DOCK3: variants seen among roughly 807,000 people sequenced by gnomAD.
DOCK3 encodes the protein dedicator of cytokinesis protein 3.
A neutral mutation model predicts 265.6 loss-of-function variants in DOCK3; 60 were observed. The observed-to-expected ratio is 0.23, with a 90% CI of 0.18 to 0.28. The LOEUF (loss-of-function observed/expected upper bound fraction) is 0.28, where lower values mean the gene tolerates loss of function less well. Ranked by LOEUF, DOCK3 falls within the 10% of genes least tolerant of loss-of-function variation. DOCK3 has a pLI of 1.00. For missense variants in DOCK3, 1,981 were observed against 2,594.3 expected, an observed-to-expected ratio of 0.76 and a Z score of 5.14; for synonymous variants, 881 against 938.0, an observed-to-expected ratio of 0.94 and a Z score of 1.11.
chr3:50,901,194 G>A (rs1466438481), intron 4 of DOCK3, among the ~76,000 whole-genome samples: 1 of 152,172 alleles, frequency 6.6e-6, no homozygotes, highest in Non-Finnish European at 1.5e-5. Flanking sequence ...ATCCTGTGAG[G>A]CAGTCTGGCT....
chr3:50,731,366 C>T (rs1241648935), intron 1 of DOCK3, among the ~76,000 whole-genome samples: 1 of 152,054 alleles, frequency 6.6e-6, no homozygotes, highest in Non-Finnish European at 1.5e-5. Context: ...TGAGTGAGCC[C>T]TAATGTAAAC....
chr3:51,328,468 A>T (rs1560444751), intron 32 of DOCK3, among the ~76,000 whole-genome samples: 2 of 152,138 alleles, frequency 1.3e-5, no homozygotes, highest in Non-Finnish European at 2.9e-5. Context: ...GTTCCTGCTT[A>T]TGCCTCTTCT....
intron 1 of DOCK3, among the ~76,000 whole-genome samples, chr3:50,702,731 C>CT (rs765956940): frequency 3.3e-4 from 48 of 146,038 alleles, no homozygotes; most frequent in Admixed American, 6.2e-4. Flanking sequence ...TGTTCTAAGA[C>CT]TTTTTTTTTT....
chr3:50,762,717 T>G (rs1209816982), intron 1 of DOCK3, among the ~76,000 whole-genome samples: 4 of 148,058 alleles, frequency 2.7e-5, no homozygotes, highest in Non-Finnish European at 1.5e-5. Flanking sequence ...TATTCTGAGG[T>G]TTTTTTTTTA....
chr3:51,199,761 C>A (rs1377177188), intron 12 of DOCK3, among the ~76,000 whole-genome samples: 1 of 152,212 alleles, frequency 6.6e-6, no homozygotes, highest in Non-Finnish European at 1.5e-5. Context: ...GACCCCTGAG[C>A]AGCCTAACTG....
intron 2 of DOCK3, among the ~76,000 whole-genome samples, chr3:50,805,397 T>TGG (rs2043349525): frequency 6.6e-6 from 1 of 152,172 alleles, no homozygotes; most frequent in Non-Finnish European, 1.5e-5. Context: ...TCAGCCAACT[T>TGG]GGGGTATGGT....
Position 50,675,618 on chromosome 3 carries a change from C to A in DOCK3, c.37+318C>A, listed in dbSNP as rs1285749654. On this transcript the variant is annotated intron_variant, in intron 1 of 52. Coordinates refer to ENST00000266037, the MANE Select transcript of DOCK3 (RefSeq NM_004947.5). The surrounding 1 kb of genome is among the most constrained non-coding windows in gnomAD (Gnocchi z 6.1). ...CCACGGGGCAATTTTACCCGATAAA[C>A]CAAATTCTGGGAATATGTTTTCTCC... Among the ~76,000 whole-genome samples, 1 of 152,186 alleles carries A rather than the reference C, an allele frequency of 6.6e-6. No homozygotes were observed. Among genetic ancestry groups the A allele is most frequent in the Admixed American group, 6.5e-5 (1 of 15,286 alleles).
intron 9 of DOCK3, among the ~76,000 whole-genome samples, chr3:51,143,189 T>C (rs1003866355): frequency 6.6e-6 from 1 of 150,560 alleles, no homozygotes; most frequent in African/African-American, 2.4e-5. Context: ...GCCCGGCTGG[T>C]ATATTCATTC....
chr3:51,354,489 C>G (rs1306879936), intron 40 of DOCK3, among the ~76,000 whole-genome samples: 2 of 152,218 alleles, frequency 1.3e-5, no homozygotes, highest in Non-Finnish European at 2.9e-5. Context: ...ATTGTTGTTG[C>G]CCTGGTTGTC....
At chr3:51,204,988 G>C (rs574568470) in intron 12 of DOCK3, among the ~76,000 whole-genome samples, 1 of 151,934 alleles carries the variant, frequency 6.6e-6, no homozygotes, top group Non-Finnish European at 1.5e-5. Flanking sequence ...GACACAGGAC[G>C]GGGAACATCA....
At chr3:50,904,256 A>G (rs943832034) in intron 4 of DOCK3, among the ~76,000 whole-genome samples, 3 of 152,200 alleles carry the variant, frequency 2.0e-5, no homozygotes, top group Non-Finnish European at 4.4e-5. Flanking sequence ...AGCATGATTT[A>G]TAATCCTTTG....
chr3:51,187,184 G>A (rs773940430), intron 12 of DOCK3, among the ~76,000 whole-genome samples: 1 of 152,222 alleles, frequency 6.6e-6, no homozygotes, highest in African/African-American at 2.4e-5. Flanking sequence ...AAGACTATGG[G>A]AACCTACCTC....
At chr3:51,338,668 G>A (rs2085027362) in intron 36 of DOCK3, among the ~76,000 whole-genome samples, 2 of 152,178 alleles carry the variant, frequency 1.3e-5, no homozygotes, top group Non-Finnish European at 2.9e-5. Context: ...CACTAACCCT[G>A]ACATACCCAA....
rs961973672 is a variant in DOCK3 at position 51,177,962 on chromosome 3, C to T, written c.1037+17260C>T. On this transcript the variant is annotated intron_variant, in intron 12 of 52. Coordinates refer to ENST00000266037, the MANE Select transcript of DOCK3 (RefSeq NM_004947.5). ...CCGAGATCATGCCACTGCACTCCAA[C>T]CTGAATGACAGAGAGAGACTCCATC... Among the ~76,000 whole-genome samples, 7 of 150,748 alleles carry T rather than the reference C, an allele frequency of 4.6e-5. No homozygotes were observed. The East Asian group carries it at 1.4e-3, about 29-fold the overall frequency.
intron 1 of DOCK3, among the ~76,000 whole-genome samples, chr3:50,684,935 C>A (rs2034675515): frequency 6.6e-6 from 1 of 150,576 alleles, no homozygotes; most frequent in Non-Finnish European, 1.5e-5. Flanking sequence ...TCAGTAAATA[C>A]AAAAAAAATA....
chr3:50,970,891 TTATATA>T (rs55749209), intron 5 of DOCK3, among the ~76,000 whole-genome samples: 154 of 12,078 alleles, frequency 0.013, 3 homozygotes, highest in Non-Finnish European at 0.017. Context: ...CATCTAATTT[TTATATA>T]TATATATATA....
intron 5 of DOCK3, among the ~76,000 whole-genome samples, chr3:51,039,459 T>A (rs2109012868): frequency 6.6e-6 from 1 of 152,324 alleles, no homozygotes; most frequent in East Asian, 1.9e-4. Flanking sequence ...CATGCCTATT[T>A]AATTTTACCA....
At chr3:51,343,154 A>G (rs1199965485) in intron 38 of DOCK3, among the ~76,000 whole-genome samples, 1 of 152,176 alleles carries the variant, frequency 6.6e-6, no homozygotes. Flanking sequence ...TGGGGCAGGG[A>G]TGTTTAGCAC....
rs546134814 is a variant in DOCK3 at position 51,255,340 on chromosome 3, G to T, written c.2185-4816G>T. 2.6e-5 allele frequency among the ~76,000 whole-genome samples: 4 copies of T among 152,250 alleles called. No homozygotes were observed. In the South Asian group the frequency reaches 8.3e-4, roughly 32 times the overall value. ...CACCTTTGGTGAATCTGACAGTTAT[G>T]TGTCTTGGAGTTGCTTTACTCGAGG... On this transcript the variant is annotated intron_variant, in intron 22 of 52. Coordinates refer to ENST00000266037, the MANE Select transcript of DOCK3 (RefSeq NM_004947.5).
Sources: gnomAD v4.1 joint callset for allele counts (sites outside exome capture counted in the v4.1 genomes callset) on GRCh38, gnomAD v4.1.1 for gene constraint, Gnocchi (gnomAD v3.1) non-coding constraint, MANE v1.5 for transcripts, NCBI Gene and HGNC (gene_info 2026-07-23, HGNC 2026-07-21) for gene names.